The following AGBL4 variants were observed in gnomAD, a reference collection of about 807,000 sequenced individuals.
AGBL4 encodes cytosolic carboxypeptidase 6.
In AGBL4, 58 loss-of-function variants were observed where a neutral mutation model predicts 66.4. That is an observed-to-expected ratio of 0.87 (90% CI 0.71 to 1.09). The LOEUF (loss-of-function observed/expected upper bound fraction) is 1.09. Among genes scored for constraint, AGBL4 ranks in the 50% least tolerant of loss-of-function variants. The pLI, the probability that AGBL4 is intolerant of heterozygous loss-of-function variation, is 0.00. For synonymous variants in AGBL4, 234 were observed against 222.9 expected, an observed-to-expected ratio of 1.05 and a Z score of -0.44; for missense variants, 579 against 631.0, an observed-to-expected ratio of 0.92 and a Z score of 0.88.
At chr1:49,044,332 A>T in intron 5 of AGBL4, among the ~76,000 whole-genome samples, 1 of 152,066 alleles carries the variant, frequency 6.6e-6, no homozygotes, top group African/African-American at 2.4e-5. Flanking sequence ...ACACTGTCTA[A>T]TAAAAATACA....
At chr1:49,942,585 T>C (rs1654861746) in intron 1 of AGBL4, among the ~76,000 whole-genome samples, 1 of 152,092 alleles carries the variant, frequency 6.6e-6, no homozygotes, top group South Asian at 2.1e-4. Context: ...CATAATAAAA[T>C]AACAGTTTCT....
intron 3 of AGBL4, among the ~76,000 whole-genome samples, chr1:49,567,060 A>G (rs1353710215): frequency 1.3e-5 from 2 of 152,194 alleles, no homozygotes; most frequent in South Asian, 2.1e-4. Flanking sequence ...CTGCCGTGCT[A>G]GCAATGAGCG....
intron 4 of AGBL4, among the ~76,000 whole-genome samples, chr1:49,109,172 T>C (rs1182091703): frequency 6.6e-6 from 1 of 152,172 alleles, no homozygotes; most frequent in Non-Finnish European, 1.5e-5. Flanking sequence ...ATTCATCTTC[T>C]CTCCTCGGTA....
chr1:49,956,216 G>A (rs1656593407), intron 1 of AGBL4, among the ~76,000 whole-genome samples: 1 of 151,736 alleles, frequency 6.6e-6, no homozygotes, highest in Non-Finnish European at 1.5e-5. Flanking sequence ...CTGACTTCAA[G>A]GAGTTTACAA....
intron 5 of AGBL4, among the ~76,000 whole-genome samples, chr1:49,006,247 G>C (rs1338705059): frequency 6.6e-6 from 1 of 152,084 alleles, no homozygotes; most frequent in Non-Finnish European, 1.5e-5. Flanking sequence ...CCCTTTCCTA[G>C]TCAAAGAAAG....
At chr1:48,844,187 G>T (rs1387448908) in intron 6 of AGBL4, among the ~76,000 whole-genome samples, 1 of 152,098 alleles carries the variant, frequency 6.6e-6, no homozygotes, top group East Asian at 1.9e-4. Context: ...CCCTCTCACT[G>T]CAGGATCTTT....
At chr1:49,891,911 C>T (rs1306910277) in intron 1 of AGBL4, among the ~76,000 whole-genome samples, 1 of 152,142 alleles carries the variant, frequency 6.6e-6, no homozygotes, top group African/African-American at 2.4e-5. Flanking sequence ...AAAGTTTAAG[C>T]CCCTGTCTTC....
chr1:50,010,289 AG>A (rs1262054153), intron 1 of AGBL4, among the ~76,000 whole-genome samples: 1 of 144,598 alleles, frequency 6.9e-6, no homozygotes, highest in Non-Finnish European at 1.5e-5. Context: ...CCTGGGCAAT[AG>A]AGCAAGACTC....
chr1:49,806,172 C>T (rs1196560635), intron 2 of AGBL4, among the ~76,000 whole-genome samples: 1 of 152,124 alleles, frequency 6.6e-6, no homozygotes, highest in Admixed American at 6.6e-5. Flanking sequence ...ATAGAGAAAG[C>T]CTCAATCTTC....
intron 6 of AGBL4, among the ~76,000 whole-genome samples, chr1:48,822,070 T>C (rs1310659382): frequency 6.6e-6 from 1 of 152,180 alleles, no homozygotes; most frequent in African/African-American, 2.4e-5. Context: ...ATATCAAGTA[T>C]TGACAAAGGT....
intron 4 of AGBL4, among the ~76,000 whole-genome samples, chr1:49,049,428 A>G (rs969943167): frequency 2.0e-5 from 3 of 152,124 alleles, no homozygotes; most frequent in Admixed American, 6.6e-5. Flanking sequence ...TTTATCATCT[A>G]GTTTGTCTCT....
intron 3 of AGBL4, among the ~76,000 whole-genome samples, chr1:49,311,867 A>G (rs569520087): frequency 6.6e-6 from 1 of 152,226 alleles, no homozygotes; most frequent in Non-Finnish European, 1.5e-5. Context: ...TGTTAAAACA[A>G]TATTCTAATA....
chr1:48,598,438 T>C (rs929553183), intron 9 of AGBL4, among the ~76,000 whole-genome samples: 2 of 152,104 alleles, frequency 1.3e-5, no homozygotes, highest in African/African-American at 2.4e-5. Context: ...TTATAGCCTA[T>C]GGCTCTTAGG....
chr1:48,818,552 A>T (rs1194751545), intron 6 of AGBL4, among the ~76,000 whole-genome samples: 2 of 152,210 alleles, frequency 1.3e-5, no homozygotes, highest in East Asian at 3.9e-4. Context: ...GATGCCTGTG[A>T]TTGAATTTTT....
intron 1 of AGBL4, among the ~76,000 whole-genome samples, chr1:49,970,944 G>T (rs1266379338): frequency 1.3e-5 from 2 of 152,082 alleles, no homozygotes; most frequent in African/African-American, 4.8e-5. Flanking sequence ...CCTCTTTAAC[G>T]CAGGGAATGA....
intron 3 of AGBL4, among the ~76,000 whole-genome samples, chr1:49,581,519 C>A (rs1041015041): frequency 2.4e-4 from 36 of 152,054 alleles, no homozygotes; most frequent in African/African-American, 8.0e-4. Flanking sequence ...GAAGGTGTGA[C>A]TATGATGATG....
intron 3 of AGBL4, among the ~76,000 whole-genome samples, chr1:49,569,659 T>C (rs969103628): frequency 6.6e-6 from 1 of 152,190 alleles, no homozygotes; most frequent in South Asian, 2.1e-4. Flanking sequence ...ATGGATCAAG[T>C]GAGTGCTTTC....
chr1:48,633,184 A>T (rs746781717), intron 9 of AGBL4, among the ~76,000 whole-genome samples: 8 of 152,208 alleles, frequency 5.3e-5, no homozygotes, highest in Non-Finnish European at 1.2e-4. Flanking sequence ...GACCAAGATA[A>T]CAGTTGAGTT....
chr1:50,001,794 A>T (rs897675188), intron 1 of AGBL4, among the ~76,000 whole-genome samples: 3 of 152,168 alleles, frequency 2.0e-5, no homozygotes, highest in Non-Finnish European at 4.4e-5. Context: ...TCATATTTTT[A>T]CATGAAATCT....
Sources: allele counts gnomAD v4.1 joint callset (sites outside exome capture counted in the v4.1 genomes callset), GRCh38; gene constraint gnomAD v4.1.1; transcripts MANE v1.5; gene names NCBI Gene and HGNC (gene_info 2026-07-23, HGNC 2026-07-21).